AP2B1: variants seen among roughly 807,000 people sequenced by gnomAD.
AP2B1 encodes the protein adaptor related protein complex 2 subunit beta 1.
AP2B1 carries 23 observed loss-of-function variants against 102.0 expected under a neutral mutation model. The observed-to-expected ratio is 0.23, with a 90% CI of 0.16 to 0.32. The LOEUF is 0.32. Among genes scored for constraint, AP2B1 ranks in the 10% least tolerant of loss-of-function variants. The probability of loss-of-function intolerance (pLI) is 1.00; values close to 1 mark genes in which losing one functional copy is unlikely to be tolerated. For missense variants in AP2B1, 541 were observed against 1,157.4 expected (o/e 0.47, Z 7.73); for synonymous variants, 381 against 421.2 (o/e 0.90, Z 1.17).
intron 14 of AP2B1, chr17:35,659,965 A>T (rs2142894702): frequency 1.0e-6 from 1 of 985,422 alleles, no homozygotes; most frequent in Non-Finnish European, 1.2e-6. Flanking sequence ...GTGGAAGAAG[A>T]TGAGTTTCTA....
intron 1 of AP2B1, among the ~76,000 whole-genome samples, chr17:35,590,871 TTAA>T (rs1165876946): frequency 6.6e-6 from 1 of 152,128 alleles, no homozygotes; most frequent in Non-Finnish European, 1.5e-5. Flanking sequence ...AATTTATTGT[TTAA>T]TAGAATGTAG....
At chr17:35,723,355 T>C (rs1568071074) in intron 21 of AP2B1, among the ~76,000 whole-genome samples, 1 of 152,244 alleles carries the variant, frequency 6.6e-6, no homozygotes, top group Non-Finnish European at 1.5e-5. Context: ...TGCTCTGCAG[T>C]CAGTGGCTTT....
intron 14 of AP2B1, among the ~76,000 whole-genome samples, chr17:35,665,986 A>G (rs2075456249): frequency 6.6e-6 from 1 of 152,114 alleles, no homozygotes; most frequent in South Asian, 2.1e-4. Flanking sequence ...TTCCTTTTCA[A>G]ATTTTCTTTT....
At chr17:35,639,991 A>C (rs1344771474) in intron 11 of AP2B1, among the ~76,000 whole-genome samples, 1 of 152,164 alleles carries the variant, frequency 6.6e-6, no homozygotes, top group Non-Finnish European at 1.5e-5. Flanking sequence ...ATCTTGGCTC[A>C]CTGCAACCTT....
At chr17:35,642,166 A>C (rs1598148080) in intron 12 of AP2B1, among the ~76,000 whole-genome samples, 191 bp downstream of exon 12, 1 of 152,232 alleles carries the variant, frequency 6.6e-6, no homozygotes, top group East Asian at 1.9e-4. Context: ...TGTGGCTTTT[A>C]AATGAGTTGA....
At position 35,659,957 on chromosome 17, in the gene AP2B1, G is replaced by A. The variant is rs115136648; in HGVS notation, c.1989+2166G>A. 5,860 of 985,360 alleles carry A rather than the reference G, an allele frequency of 5.9e-3. 78 individuals carry two copies. The highest frequency in any genetic ancestry group is 0.048 in the African/African-American group (2,748 of 57,328). The allele number at this position is 985,360 out of a possible 1,614,324, so 61.0% of individuals were successfully genotyped here. On this transcript the variant is annotated intron_variant, in intron 14 of 21. Transcript: ENST00000610402. ...AAGGAAGACCTAAATTTGCCTGTGT[G>A]GAAGAAGATGAGTTTCTAAGGCGGC...
At chr17:35,629,856 G>A (rs1430175707) in intron 9 of AP2B1, among the ~76,000 whole-genome samples, 1 of 152,140 alleles carries the variant, frequency 6.6e-6, no homozygotes, top group Non-Finnish European at 1.5e-5. Flanking sequence ...ATTATGGGCT[G>A]TAATTTACAT....
chr17:35,706,165 G>C (rs1487465009), intron 18 of AP2B1, among the ~76,000 whole-genome samples: 1 of 152,172 alleles, frequency 6.6e-6, no homozygotes, highest in Non-Finnish European at 1.5e-5. Flanking sequence ...AAAATGTTGT[G>C]TGTACATTTT....
chr17:35,704,307 A>G (rs968688017), intron 18 of AP2B1, among the ~76,000 whole-genome samples: 1 of 152,166 alleles, frequency 6.6e-6, no homozygotes. Flanking sequence ...TTTGAAACCA[A>G]AAGAACCCAT....
chr17:35,725,886 C>T lies in AP2B1; in HGVS notation c.*2187C>T, dbSNP rs587690819. On this transcript the variant is annotated 3_prime_UTR_variant, in exon 22 of 22. Transcript: ENST00000610402. ...TCCCCACCAGTGATGGATAACAGCTCCTATTCTCAGCTGACCTGACTGAGC... is the reference window on the plus strand; with the variant it reads ...TCCCCACCAGTGATGGATAACAGCTTCTATTCTCAGCTGACCTGACTGAGC... 1 of 152,384 alleles carries T rather than the reference C, an allele frequency of 6.6e-6. No individual in the cohort carries two copies. Among genetic ancestry groups the T allele is most frequent in the South Asian group, 2.1e-4 (1 of 4,822 alleles). The allele number at this position is 152,384 out of a possible 1,614,324, so 9.4% of individuals were successfully genotyped here. A position where few individuals can be genotyped will look rare whatever the true frequency, so the allele number is the denominator to read the frequency against.
At chr17:35,634,503 C>G (rs2074551804) in intron 9 of AP2B1, among the ~76,000 whole-genome samples, 1 of 152,146 alleles carries the variant, frequency 6.6e-6, no homozygotes, top group Non-Finnish European at 1.5e-5. Flanking sequence ...TGGTATCTCT[C>G]TCTTTTAAAA....
chr17:35,654,310 G>A (rs577521953), intron 13 of AP2B1, among the ~76,000 whole-genome samples: 17 of 151,626 alleles, frequency 1.1e-4, no homozygotes, highest in South Asian at 8.3e-4. Context: ...GTGATCTGCC[G>A]ACCTTGGCCT....
intron 18 of AP2B1, among the ~76,000 whole-genome samples, chr17:35,691,494 C>T (rs1029782832): frequency 6.6e-5 from 10 of 152,338 alleles, no homozygotes; most frequent in Admixed American, 4.6e-4. Flanking sequence ...GCTGACGTTT[C>T]TTGACTGTTG....
intron 14 of AP2B1, among the ~76,000 whole-genome samples, chr17:35,669,318 A>G (rs1181439415): frequency 1.3e-5 from 2 of 151,820 alleles, no homozygotes; most frequent in Admixed American, 1.3e-4. Flanking sequence ...TAATTTTTGT[A>G]TTTTTAGTAG....
At chr17:35,601,028 A>G (rs2073461904) in intron 3 of AP2B1, 5 of 984,808 alleles carry the variant, frequency 5.1e-6, no homozygotes, top group South Asian at 9.4e-5. Context: ...TCCTGTGACC[A>G]TCTATCTAAG....
rs781759240 is a variant in AP2B1 at position 35,624,397 on chromosome 17, G to C, written c.526G>C (p.Val176Leu). 6.2e-7 allele frequency: 1 copy of C among 1,613,840 alleles called. No homozygotes were observed. Among genetic ancestry groups the C allele is most frequent in the Non-Finnish European group, 8.5e-7 (1 of 1,179,894 alleles). The change falls in exon 6 of 22, where the codon GTG becomes CTG. Residue 176 changes from valine to leucine, a missense_variant and splice_region_variant. Transcript: ENST00000610402. The part of the protein sequence containing the change: ...RDLIADSNPM[V>L]VANAVAALSE... The stretch of plus-strand genomic sequence containing the variant: ...AAGGTCATACCCCCTTCTTTTCCAG[G>C]TGGTGGCTAATGCCGTAGCGGCATT...
intron 18 of AP2B1, among the ~76,000 whole-genome samples, chr17:35,692,696 G>T (rs587611233): frequency 6.6e-6 from 1 of 152,226 alleles, no homozygotes; most frequent in South Asian, 2.1e-4. Context: ...TTAATGAAGG[G>T]GTTATGCATA....
At chr17:35,643,337 A>T (rs914213378) in intron 12 of AP2B1, among the ~76,000 whole-genome samples, 1 of 152,234 alleles carries the variant, frequency 6.6e-6, no homozygotes, top group South Asian at 2.1e-4. Flanking sequence ...CAATTTCTAA[A>T]GAGAATTTTG....
intron 2 of AP2B1, among the ~76,000 whole-genome samples, chr17:35,595,890 A>C (rs1339760122): frequency 6.6e-6 from 1 of 151,426 alleles, no homozygotes; most frequent in Non-Finnish European, 1.5e-5. Flanking sequence ...AATGTCTATA[A>C]TTATATAAAG....
Sources: allele counts gnomAD v4.1 joint callset (sites outside exome capture counted in the v4.1 genomes callset), GRCh38; gene constraint gnomAD v4.1.1; transcripts MANE v1.5; gene names NCBI Gene and HGNC (gene_info 2026-07-23, HGNC 2026-07-21).